The following KCNJ6 variants were observed in gnomAD, a reference collection of about 807,000 sequenced individuals.
KCNJ6 encodes G protein-activated inward rectifier potassium channel 2.
In KCNJ6, 9 loss-of-function variants were observed where a neutral mutation model predicts 34.2. That is an observed-to-expected ratio of 0.26 (90% CI 0.16 to 0.46). The LOEUF is 0.46. KCNJ6 is among the 20% of genes least tolerant of loss of function. The pLI, the probability that KCNJ6 is intolerant of heterozygous loss-of-function variation, is 1.00. For missense variants in KCNJ6, 236 were observed against 531.3 expected (o/e 0.44, Z 5.46); for synonymous variants, 196 against 207.1 (o/e 0.95, Z 0.46).
At chr21:37,704,234 C>CTTTATGTTTGAGGAA (rs2054706986) in intron 3 of KCNJ6, among the ~76,000 whole-genome samples, 1 of 152,068 alleles carries the variant, frequency 6.6e-6, no homozygotes, top group African/African-American at 2.4e-5. Flanking sequence ...GAATCCTTAA[C>CTTTATGTTTGAGGAA]ATCATCTAGG....
intron 1 of KCNJ6, among the ~76,000 whole-genome samples, chr21:37,914,713 T>TC (rs2055884668): frequency 6.6e-6 from 1 of 152,184 alleles, no homozygotes; most frequent in Admixed American, 6.5e-5. Context: ...CCCTTTTTTC[T>TC]CCCTAAGCAG....
intron 2 of KCNJ6, among the ~76,000 whole-genome samples, chr21:37,764,784 G>T (rs1398773442): frequency 1.3e-5 from 2 of 152,200 alleles, no homozygotes; most frequent in African/African-American, 4.8e-5. Context: ...TGATCTTACA[G>T]TGCTTTGAAA....
intron 3 of KCNJ6, among the ~76,000 whole-genome samples, chr21:37,663,803 A>G (rs997902249): frequency 3.9e-5 from 6 of 152,204 alleles, no homozygotes; most frequent in Non-Finnish European, 8.8e-5. Context: ...GTAATTGAAA[A>G]ATTAAATTAA....
chr21:37,674,181 C>A (rs879673089), intron 3 of KCNJ6, among the ~76,000 whole-genome samples: 2 of 152,190 alleles, frequency 1.3e-5, no homozygotes, highest in Non-Finnish European at 2.9e-5. Context: ...CAGCTCTCAG[C>A]TGAGTTACTG....
intron 1 of KCNJ6, among the ~76,000 whole-genome samples, chr21:37,914,047 GTGTC>G (rs779224913): frequency 1.1e-3 from 160 of 150,418 alleles, no homozygotes; most frequent in Non-Finnish European, 1.9e-3. Flanking sequence ...GTGTGTGTGT[GTGTC>G]TGTGCGCGCG....
At chr21:37,761,276 AGTGT>A (rs1568838661) in intron 2 of KCNJ6, among the ~76,000 whole-genome samples, 2 of 138,868 alleles carry the variant, frequency 1.4e-5, no homozygotes, top group African/African-American at 6.2e-5. Context: ...TGTGTGTGGT[AGTGT>A]AATGTGTGTA....
chr21:37,879,906 A>C (rs929400675), intron 1 of KCNJ6, among the ~76,000 whole-genome samples: 2 of 151,914 alleles, frequency 1.3e-5, no homozygotes, highest in South Asian at 2.1e-4. Context: ...GAAGTAAAAA[A>C]ACCCTTTGAC....
chr21:37,653,483 G>A (rs1179147991), intron 3 of KCNJ6, among the ~76,000 whole-genome samples: 1 of 152,140 alleles, frequency 6.6e-6, no homozygotes, highest in East Asian at 1.9e-4. Context: ...TTATGACAAA[G>A]GAAGGGAGGG....
At chr21:37,757,930 A>G (rs953149090) in intron 2 of KCNJ6, among the ~76,000 whole-genome samples, 6 of 152,240 alleles carry the variant, frequency 3.9e-5, no homozygotes, top group African/African-American at 1.4e-4. Flanking sequence ...ACAATGTCAA[A>G]TCTTAGAATG....
At chr21:37,629,222 T>C (rs1264936080) in intron 3 of KCNJ6, among the ~76,000 whole-genome samples, 1 of 152,238 alleles carries the variant, frequency 6.6e-6, no homozygotes, top group African/African-American at 2.4e-5. Context: ...TTTAAGGTTA[T>C]TCCATTTTAT....
chr21:37,804,424 T>A (rs909355146), intron 2 of KCNJ6, among the ~76,000 whole-genome samples: 4 of 152,254 alleles, frequency 2.6e-5, no homozygotes, highest in Non-Finnish European at 4.4e-5. Flanking sequence ...ATTTTTATTT[T>A]ATTTAACTTT....
intron 1 of KCNJ6, among the ~76,000 whole-genome samples, chr21:37,903,211 G>A (rs967205249): frequency 3.3e-5 from 5 of 152,048 alleles, no homozygotes; most frequent in African/African-American, 1.2e-4. Flanking sequence ...TCAAGGGTGG[G>A]GCCAGGTGGA....
chr21:37,696,296 G>A (rs1205763503), intron 3 of KCNJ6, among the ~76,000 whole-genome samples: 2 of 152,286 alleles, frequency 1.3e-5, no homozygotes, highest in East Asian at 3.9e-4. Flanking sequence ...AAGAAACCTG[G>A]CAGACACCAC....
intron 3 of KCNJ6, among the ~76,000 whole-genome samples, chr21:37,710,978 C>G (rs374460420): frequency 6.6e-6 from 1 of 152,272 alleles, no homozygotes; most frequent in African/African-American, 2.4e-5. Context: ...CTTGAAAGGT[C>G]GCCTGGCATG....
intron 1 of KCNJ6, among the ~76,000 whole-genome samples, chr21:37,847,383 T>G (rs535076763): frequency 7.0e-4 from 59 of 84,126 alleles, no homozygotes; most frequent in African/African-American, 2.8e-3. Flanking sequence ...ACCCAACAAG[T>G]CTTCTTTCTG....
rs541248644 is a variant in KCNJ6 at position 37,875,635 on chromosome 21, C to A, written c.-27-34926G>T. On this transcript the variant is annotated intron_variant, in intron 1 of 3. Coordinates refer to ENST00000609713, the MANE Select transcript of KCNJ6 (RefSeq NM_002240.5). The stretch of plus-strand genomic sequence containing the variant: ...ATTTTCCCTTATTGCTGGCCTCACA[C>A]TTCAATACTTATGTGAAACTTAAAA... Among the ~76,000 whole-genome samples, 6 of 152,340 alleles carry A rather than the reference C, an allele frequency of 3.9e-5. 1 individual carries two copies. The South Asian group carries it at 1.2e-3, about 32-fold the overall frequency.
chr21:37,820,209 T>C (rs1413731692), intron 2 of KCNJ6, among the ~76,000 whole-genome samples: 2 of 152,232 alleles, frequency 1.3e-5, no homozygotes, highest in Non-Finnish European at 2.9e-5. Context: ...TTTCTTCCTA[T>C]ATAAGCAAGA....
chr21:37,670,394 G>T (rs1409297458), intron 3 of KCNJ6, among the ~76,000 whole-genome samples: 1 of 152,072 alleles, frequency 6.6e-6, no homozygotes, highest in Non-Finnish European at 1.5e-5. Context: ...TTTTAGTTCT[G>T]CAAAATGGCC....
chr21:37,836,021 ATAACT>A (rs1406431957), intron 2 of KCNJ6, among the ~76,000 whole-genome samples: 1 of 152,196 alleles, frequency 6.6e-6, no homozygotes, highest in Non-Finnish European at 1.5e-5. Flanking sequence ...GAATCTACAA[ATAACT>A]TAAACAAAAT....
Sources: allele counts gnomAD v4.1 joint callset (sites outside exome capture counted in the v4.1 genomes callset), GRCh38; gene constraint gnomAD v4.1.1; transcripts MANE v1.5; gene names NCBI Gene and HGNC (gene_info 2026-07-23, HGNC 2026-07-21).